SAMMSON: variants seen among roughly 807,000 people sequenced by gnomAD.
The protein encoded by SAMMSON is long intergenic non-protein coding RNA 1212.
chr3:70,319,574 A>G (rs1276646049), intron 7 of SAMMSON, among the ~76,000 whole-genome samples: 2 of 152,092 alleles, frequency 1.3e-5, no homozygotes, highest in Non-Finnish European at 2.9e-5. Flanking sequence ...CCTAGAACAA[A>G]GAGTGGCTAA....
At chr3:70,049,981 G>A (rs1024389440) in intron 3 of SAMMSON, among the ~76,000 whole-genome samples, 3 of 152,004 alleles carry the variant, frequency 2.0e-5, no homozygotes, top group Non-Finnish European at 4.4e-5. Context: ...CTTCCAGGGA[G>A]ACTTGCAAGA....
intron 4 of SAMMSON, among the ~76,000 whole-genome samples, chr3:70,132,885 T>C (rs569833773): frequency 6.6e-6 from 1 of 152,158 alleles, no homozygotes; most frequent in South Asian, 2.1e-4. Flanking sequence ...GTAAGGCAGA[T>C]CTTATAAAGG....
At chr3:70,159,144 A>T (rs2067604023) in intron 4 of SAMMSON, among the ~76,000 whole-genome samples, 1 of 152,080 alleles carries the variant, frequency 6.6e-6, no homozygotes, top group East Asian at 1.9e-4. Context: ...ATTTTCATAC[A>T]TGTAAGGTTT....
At chr3:70,318,815 C>T (rs1236712223) in intron 7 of SAMMSON, among the ~76,000 whole-genome samples, 1 of 151,826 alleles carries the variant, frequency 6.6e-6, no homozygotes, top group African/African-American at 2.4e-5. Flanking sequence ...TTGATTCTTC[C>T]AGGTTTTATT....
chr3:70,020,770 A>C (rs776499161), intron 3 of SAMMSON, among the ~76,000 whole-genome samples: 1 of 152,156 alleles, frequency 6.6e-6, no homozygotes, highest in Non-Finnish European at 1.5e-5. Flanking sequence ...GCCTTTTACA[A>C]TTCAGGCATG....
chr3:70,241,284 G>A (rs926827089), intron 4 of SAMMSON, among the ~76,000 whole-genome samples: 2 of 152,090 alleles, frequency 1.3e-5, no homozygotes, highest in East Asian at 3.9e-4. Context: ...AAAATCAAAA[G>A]GCAAATTATT....
chr3:70,360,954 C>T (rs748166790), intron 9 of SAMMSON, among the ~76,000 whole-genome samples: 1 of 152,000 alleles, frequency 6.6e-6, no homozygotes, highest in Non-Finnish European at 1.5e-5. Context: ...TGAACTATCC[C>T]GTCACTGTGC....
intron 4 of SAMMSON, among the ~76,000 whole-genome samples, chr3:70,105,761 G>T (rs1291066447): frequency 6.6e-6 from 1 of 152,140 alleles, no homozygotes; most frequent in Admixed American, 6.5e-5. Flanking sequence ...TGTCAGCGTG[G>T]CAGGGAGACT....
Position 70,196,314 on chromosome 3 carries a change from A to G in SAMMSON, n.508-52793A>G, listed in dbSNP as rs1253490903. ...TTGAAGTACACCATATTCAAAATTC[A>G]CTGGAGATGTTTTAGAGACATCTGT... On this transcript the variant is annotated intron_variant and non_coding_transcript_variant, in intron 4 of 9. Transcript: ENST00000642114. 2.6e-5 allele frequency among the ~76,000 whole-genome samples: 4 copies of G among 152,238 alleles called. No individual in the cohort carries two copies. In the East Asian group the frequency reaches 7.7e-4, roughly 29 times the overall value.
intron 4 of SAMMSON, among the ~76,000 whole-genome samples, chr3:70,192,061 A>C (rs986942940): frequency 5.3e-5 from 8 of 152,258 alleles, no homozygotes; most frequent in African/African-American, 1.9e-4. Flanking sequence ...GTCCACCCCT[A>C]ACTATATACT....
rs529338436 is a variant in SAMMSON at position 70,412,990 on chromosome 3, TTTTTTG to T, written n.234-49554_234-49549del. ...CTAAACAGTTATTTTGTTGTTGTTGTTTTTTGTTTTTGTTTTTGTTTCTTCTTAGCA... is the reference window on the plus strand; with the variant it reads ...CTAAACAGTTATTTTGTTGTTGTTGTTTTTTGTTTTTGTTTCTTCTTAGCA... On this transcript the variant is annotated intron_variant and non_coding_transcript_variant, in intron 2 of 3. Coordinates refer to the SAMMSON transcript ENST00000641053. Among the ~76,000 whole-genome samples the T allele has an allele frequency of 1.9e-3, 282 of 152,230 alleles. 1 individual carries two copies. The highest frequency in any genetic ancestry group is 6.3e-3 in the African/African-American group (261 of 41,552).
intron 6 of SAMMSON, among the ~76,000 whole-genome samples, chr3:70,264,254 G>A (rs1207071517): frequency 6.6e-6 from 1 of 152,128 alleles, no homozygotes; most frequent in Non-Finnish European, 1.5e-5. Context: ...CCTTAAAAAG[G>A]CCTTCGTGTT....
At chr3:70,182,221 C>A (rs1268701094) in intron 4 of SAMMSON, among the ~76,000 whole-genome samples, 1 of 152,110 alleles carries the variant, frequency 6.6e-6, no homozygotes, top group African/African-American at 2.4e-5. Context: ...CCCCCGCCCC[C>A]ACCTTCGAAA....
At chr3:70,290,531 C>T (rs576722517) in intron 6 of SAMMSON, among the ~76,000 whole-genome samples, 18 of 152,324 alleles carry the variant, frequency 1.2e-4, no homozygotes, top group Non-Finnish European at 2.2e-4. Flanking sequence ...GTGCCCTGCC[C>T]CCAGAGGTGG....
chr3:70,218,889 T>C (rs997551818), intron 4 of SAMMSON, among the ~76,000 whole-genome samples: 6 of 152,170 alleles, frequency 3.9e-5, no homozygotes, highest in Non-Finnish European at 8.8e-5. Flanking sequence ...TGAACTATTC[T>C]GAATATATTT....
At chr3:70,030,979 C>G (rs533574028) in intron 3 of SAMMSON, among the ~76,000 whole-genome samples, 2 of 152,152 alleles carry the variant, frequency 1.3e-5, no homozygotes, top group African/African-American at 4.8e-5. Context: ...CTGTGAAAAA[C>G]AGTTCAGCAA....
intron 1 of SAMMSON, among the ~76,000 whole-genome samples, chr3:70,010,106 G>T (rs1470692927): frequency 1.3e-5 from 2 of 152,150 alleles, no homozygotes; most frequent in Non-Finnish European, 2.9e-5. Flanking sequence ...TGAGAAGAAT[G>T]TATATTCTGT....
chr3:70,238,947 C>G (rs1701638938), intron 4 of SAMMSON, among the ~76,000 whole-genome samples: 2 of 152,190 alleles, frequency 1.3e-5, no homozygotes, highest in Admixed American at 1.3e-4. Context: ...TTCTCTAAAT[C>G]TAATTGTTTA....
intron 7 of SAMMSON, among the ~76,000 whole-genome samples, chr3:70,311,415 C>A (rs1287252748): frequency 6.6e-6 from 1 of 152,142 alleles, no homozygotes; most frequent in African/African-American, 2.4e-5. Context: ...ATGCGGAGCC[C>A]ATGGCCGACA....
Sources: allele counts gnomAD v4.1 joint callset (sites outside exome capture counted in the v4.1 genomes callset), GRCh38; gene constraint gnomAD v4.1.1; transcripts MANE v1.5; gene names NCBI Gene and HGNC (gene_info 2026-07-23, HGNC 2026-07-21).